MYO3A: variants seen among roughly 807,000 people sequenced by gnomAD.
MYO3A encodes myosin IIIA.
MYO3A carries 180 observed loss-of-function variants against 192.7 expected under a neutral mutation model. The observed-to-expected ratio is 0.93, with a 90% CI of 0.83 to 1.06. The LOEUF is 1.06. Ranked by LOEUF, MYO3A falls within the 50% of genes least tolerant of loss-of-function variation. The pLI is 0.00. For missense variants in MYO3A, 1,896 were observed against 1,905.0 expected, an observed-to-expected ratio of 1.00 and a Z score of 0.09; for synonymous variants, 628 against 645.3, an observed-to-expected ratio of 0.97 and a Z score of 0.41.
intron 3 of MYO3A, among the ~76,000 whole-genome samples, chr10:25,953,987 T>A (rs2130571505): frequency 6.6e-6 from 1 of 152,296 alleles, no homozygotes; most frequent in Non-Finnish European, 1.5e-5. Context: ...TACTCTTACA[T>A]ATTTTTAATC....
At chr10:26,179,496 A>G (rs973941289) in intron 31 of MYO3A, among the ~76,000 whole-genome samples, 4 of 152,226 alleles carry the variant, frequency 2.6e-5, no homozygotes, top group East Asian at 1.9e-4. Context: ...AAAATATACC[A>G]TAAGAAGTTA....
intron 20 of MYO3A, among the ~76,000 whole-genome samples, chr10:26,132,779 T>A (rs1279678149): frequency 6.6e-6 from 1 of 152,208 alleles, no homozygotes; most frequent in African/African-American, 2.4e-5. Context: ...GAAGTAGTTT[T>A]AGAAGCAGGA....
rs569392916 is a variant in MYO3A, at chr10:25,954,907, A to C, written c.202A>C (p.Ile68Leu). 5.3e-5 allele frequency: 85 copies of C among 1,612,490 alleles called. No individual in the cohort carries two copies. In the Admixed American group the frequency reaches 1.3e-3, roughly 25 times the overall value. The change falls in exon 4 of 35, where the codon ATC becomes CTC. Residue 68 changes from isoleucine to leucine, a missense_variant. Coordinates refer to ENST00000642920, the MANE Select transcript of MYO3A (RefSeq NM_017433.5). ...CGAAGAGATTGAAGCAGAATATAAC[A>C]TCTTAAAAGCACTTTCTGACCACCC... ...IDEEIEAEYN[I>L]LKALSDHPNV... is the part of the protein sequence containing the mutation.
rs3824695 is a variant in MYO3A, at chr10:26,067,137, C to T, written c.1053+63C>T. On this transcript the variant is annotated intron_variant, in intron 11 of 34. Coordinates refer to ENST00000642920, the MANE Select transcript of MYO3A (RefSeq NM_017433.5). The stretch of plus-strand genomic sequence containing the variant: ...ATGTTTTGTTAATTTATAGAAGACA[C>T]GGGTATTGGTAGAAGGGGAAGGAAT... 527,946 of 1,077,090 alleles carry T rather than the reference C, an allele frequency of 0.49. 133,818 individuals carry two copies. Among genetic ancestry groups the T allele is most frequent in the Middle Eastern group, 0.55 (2,765 of 4,994 alleles). The allele number at this position is 1,077,090 out of a possible 1,614,324, so 66.7% of individuals were successfully genotyped here. A position where few individuals can be genotyped will look rare whatever the true frequency, so the allele number is the denominator to read the frequency against.
At chr10:25,985,791 T>C (rs933837026) in intron 4 of MYO3A, among the ~76,000 whole-genome samples, 3 of 152,234 alleles carry the variant, frequency 2.0e-5, no homozygotes, top group African/African-American at 7.2e-5. Context: ...ACCAATCCTA[T>C]TGATACTATT....
At chr10:26,120,063 C>T (rs537848174) in intron 17 of MYO3A, among the ~76,000 whole-genome samples, 3 of 151,332 alleles carry the variant, frequency 2.0e-5, no homozygotes, top group South Asian at 4.2e-4. Context: ...ACACAGGAGT[C>T]GCAGGTGGGT....
intron 17 of MYO3A, among the ~76,000 whole-genome samples, chr10:26,099,339 A>AGTCAT (rs1837277369): frequency 6.6e-6 from 1 of 152,218 alleles, no homozygotes; most frequent in Non-Finnish European, 1.5e-5. Flanking sequence ...CTAAATATAC[A>AGTCAT]GTCATGTCAT....
At chr10:25,944,623 T>A (rs1196402829) in intron 2 of MYO3A, among the ~76,000 whole-genome samples, 3 of 152,058 alleles carry the variant, frequency 2.0e-5, no homozygotes, top group Non-Finnish European at 4.4e-5. Context: ...TCATCATGAT[T>A]CAGTCTTGGT....
At chr10:26,061,519 C>A (rs1834477642) in intron 10 of MYO3A, among the ~76,000 whole-genome samples, 1 of 152,032 alleles carries the variant, frequency 6.6e-6, no homozygotes, top group Non-Finnish European at 1.5e-5. Context: ...CTTGAAAATG[C>A]TTGGTATATT....
rs549839503 is a variant in MYO3A at position 26,084,494 on chromosome 10, T to A, written c.1360-3709T>A. 9.9e-5 allele frequency among the ~76,000 whole-genome samples: 15 copies of A among 152,266 alleles called. No individual in the cohort carries two copies. In the East Asian group the frequency reaches 1.9e-3, roughly 20 times the overall value. On this transcript the variant is annotated intron_variant, in intron 14 of 34. Transcript: ENST00000642920. ...GGTATTCCCTCTAGCTCTATTTTTT[T>A]AATTATTTATTTATTTGTTTTTCTT...
intron 6 of MYO3A, among the ~76,000 whole-genome samples, chr10:26,014,679 G>A (rs1272883805): frequency 6.6e-6 from 1 of 152,026 alleles, no homozygotes; most frequent in Non-Finnish European, 1.5e-5. Context: ...AACTATCACA[G>A]TGTCTTAACC....
Position 26,143,450 on chromosome 10 carries a change from T to C in MYO3A, c.2265T>C (p.Asn755=), listed in dbSNP as rs542268747. The C allele has an allele frequency of 6.2e-7, 1 of 1,610,474 alleles. No homozygotes were observed. Among genetic ancestry groups the C allele is most frequent in the Non-Finnish European group, 8.5e-7 (1 of 1,176,844 alleles). Reference sequence around the variant, plus strand: ...AAGTGGTTTTGTCTTTATTATAGAATGAATACCTAAATGAAGATGTGGATG... The same window carrying C: ...AAGTGGTTTTGTCTTTATTATAGAACGAATACCTAAATGAAGATGTGGATG... The part of the protein sequence containing the change: ...YNQHVFAWEQ[N]EYLNEDVDAR... The change falls in exon 21 of 35, where the codon AAT becomes AAC. Residue 755 remains asparagine, a splice_region_variant and synonymous_variant. Transcript: ENST00000642920.
intron 31 of MYO3A, among the ~76,000 whole-genome samples, chr10:26,177,882 G>C (rs1842410728): frequency 6.6e-6 from 1 of 152,218 alleles, no homozygotes; most frequent in Non-Finnish European, 1.5e-5. Context: ...GATATGAGAG[G>C]AAGGGGAAAT....
intron 1 of MYO3A, among the ~76,000 whole-genome samples, chr10:25,934,736 A>T (rs1215746197): frequency 6.9e-6 from 1 of 145,616 alleles, no homozygotes; most frequent in Non-Finnish European, 1.5e-5. Flanking sequence ...CTTGTGGGTG[A>T]ACCCGAGGAG....
rs776200006 is a variant in MYO3A, at chr10:26,128,374, C to G, written c.2115-17C>G. ...TTCAGGAAATAACTCAAAATAATGC[C>G]TCTTCAATTCTTCTAGTGGGAATGG... On this transcript the variant is annotated splice_polypyrimidine_tract_variant and intron_variant, in intron 19 of 34. Transcript: ENST00000642920. The G allele has an allele frequency of 6.2e-7, 1 of 1,610,884 alleles. No individual in the cohort carries two copies. Among genetic ancestry groups the G allele is most frequent in the Admixed American group, 1.7e-5 (1 of 59,998 alleles).
chr10:26,128,291 T>G, intron 19 of MYO3A, 100 bp from the exon 20 acceptor site: 3 of 1,228,912 alleles, frequency 2.4e-6, no homozygotes, highest in Middle Eastern at 1.9e-4. Context: ...GTTCTTATAG[T>G]AGTTTCTTAG....
rs1488971326 is a variant in MYO3A at position 26,088,307 on chromosome 10, A to G, written c.1464A>G (p.Gly488=). 6 of 1,613,864 alleles carry G rather than the reference A, an allele frequency of 3.7e-6. No individual in the cohort carries two copies. The African/African-American group carries it at 6.7e-5, about 18-fold the overall frequency. The change falls in exon 15 of 35, where the codon GGA becomes GGG. Residue 488 remains glycine, a synonymous_variant. Transcript: ENST00000642920. ...TIINDNSSRF[G]KYLEMKFTSS... is the part of the protein sequence containing the mutation. ...TAAATGACAATTCTAGCAGATTTGG[A>G]AAATACTTAGAAATGAAATTCACCT... is the stretch of plus-strand genomic sequence containing the variant.
chr10:26,034,601 A>G (rs1842944134), intron 10 of MYO3A, among the ~76,000 whole-genome samples: 1 of 152,216 alleles, frequency 6.6e-6, no homozygotes, highest in African/African-American at 2.4e-5. Flanking sequence ...GAAACTGGAT[A>G]ATGATAGCTC....
At chr10:26,009,733 A>G (rs1020885445) in intron 6 of MYO3A, among the ~76,000 whole-genome samples, 1 of 152,220 alleles carries the variant, frequency 6.6e-6, no homozygotes, top group African/African-American at 2.4e-5. Flanking sequence ...GACTTTACTT[A>G]TATTTTTAAG....
Sources: gnomAD v4.1 joint callset for allele counts (sites outside exome capture counted in the v4.1 genomes callset) on GRCh38, gnomAD v4.1.1 for gene constraint, MANE v1.5 for transcripts, NCBI Gene and HGNC (gene_info 2026-07-23, HGNC 2026-07-21) for gene names.